PCDH9: variants seen among roughly 807,000 people sequenced by gnomAD.
The protein encoded by PCDH9 is protocadherin-9.
A neutral mutation model predicts 70.6 loss-of-function variants in PCDH9; 24 were observed. That is an observed-to-expected ratio of 0.34 (90% CI 0.25 to 0.48). PCDH9 has a LOEUF of 0.48. Among genes scored for constraint, PCDH9 ranks in the 20% least tolerant of loss-of-function variants. The pLI is 0.99. For missense variants in PCDH9, 1,281 were observed against 1,503.6 expected (o/e 0.85, Z 2.45); for synonymous variants, 562 against 558.5 (o/e 1.01, Z -0.09).
At chr13:66,454,144 T>A (rs1243850714) in intron 4 of PCDH9, among the ~76,000 whole-genome samples, 1 of 152,044 alleles carries the variant, frequency 6.6e-6, no homozygotes, top group Non-Finnish European at 1.5e-5. Context: ...AAATAAGACT[T>A]GTTTTTTTCT....
At chr13:66,736,061 G>A (rs1349314350) in intron 3 of PCDH9, among the ~76,000 whole-genome samples, 2 of 151,938 alleles carry the variant, frequency 1.3e-5, no homozygotes, top group Non-Finnish European at 2.9e-5. Context: ...AGTTAACTGA[G>A]TATATTTAAA....
At chr13:66,817,079 A>G (rs796702951) in intron 3 of PCDH9, among the ~76,000 whole-genome samples, 5 of 152,220 alleles carry the variant, frequency 3.3e-5, no homozygotes, top group African/African-American at 1.2e-4. Context: ...TTTGCATAGC[A>G]TGTACATTGT....
chr13:67,099,555 T>A (rs2086390691), intron 2 of PCDH9, among the ~76,000 whole-genome samples: 1 of 152,140 alleles, frequency 6.6e-6, no homozygotes, highest in African/African-American at 2.4e-5. Context: ...TCCTAAATAT[T>A]CAGAAATGGA....
chr13:66,393,221 T>C (rs1368414290), intron 4 of PCDH9, among the ~76,000 whole-genome samples: 1 of 152,084 alleles, frequency 6.6e-6, no homozygotes, highest in East Asian at 1.9e-4. Flanking sequence ...ACACTGATAA[T>C]AGAAAATTCA....
intron 3 of PCDH9, among the ~76,000 whole-genome samples, chr13:66,772,651 A>G (rs9571667): frequency 0.29 from 44,256 of 151,936 alleles, 6,716 homozygotes; most frequent in East Asian, 0.44. Context: ...ATATTTCTAA[A>G]TGTCACAAAG....
At chr13:67,061,174 A>G (rs1010211041) in intron 2 of PCDH9, among the ~76,000 whole-genome samples, 2 of 152,114 alleles carry the variant, frequency 1.3e-5, no homozygotes, top group Non-Finnish European at 2.9e-5. Flanking sequence ...CAAATAAGTA[A>G]CATTTCCTCC....
intron 2 of PCDH9, among the ~76,000 whole-genome samples, chr13:66,907,477 T>C (rs967581841): frequency 5.3e-5 from 8 of 152,206 alleles, no homozygotes; most frequent in Non-Finnish European, 1.0e-4. Flanking sequence ...TGAAAGTCTG[T>C]ATTGCAATAT....
At chr13:66,385,254 T>C (rs369416530) in intron 4 of PCDH9, among the ~76,000 whole-genome samples, 6 of 152,198 alleles carry the variant, frequency 3.9e-5, no homozygotes, top group Non-Finnish European at 8.8e-5. Flanking sequence ...ACTAGTTAAG[T>C]ACCCTGTTTT....
intron 3 of PCDH9, among the ~76,000 whole-genome samples, chr13:66,877,677 A>C (rs1011666375): frequency 1.3e-5 from 2 of 152,178 alleles, no homozygotes; most frequent in African/African-American, 4.8e-5. Context: ...GCTTAAACCA[A>C]CACCTTAGTC....
chr13:67,189,879 A>C (rs1286784163), intron 2 of PCDH9, among the ~76,000 whole-genome samples: 1 of 152,072 alleles, frequency 6.6e-6, no homozygotes, highest in Non-Finnish European at 1.5e-5. Flanking sequence ...AAGAAAAAAA[A>C]AATGTAATGT....
intron 3 of PCDH9, among the ~76,000 whole-genome samples, chr13:66,829,717 C>CATAAAAAAAAA (rs2080890351): frequency 1.9e-5 from 1 of 53,128 alleles, no homozygotes; most frequent in Non-Finnish European, 3.2e-5. Flanking sequence ...GACTCCGTCT[C>CATAAAAAAAAA]AAAAAAAAAA....
chr13:67,051,968 T>C (rs188970493), intron 2 of PCDH9, among the ~76,000 whole-genome samples: 28 of 152,306 alleles, frequency 1.8e-4, no homozygotes, highest in Admixed American at 5.9e-4. Flanking sequence ...TATGATATTA[T>C]TAAAACTTAC....
intron 2 of PCDH9, among the ~76,000 whole-genome samples, chr13:67,141,784 G>C (rs2087397748): frequency 6.6e-6 from 1 of 151,528 alleles, no homozygotes; most frequent in Admixed American, 6.6e-5. Flanking sequence ...GGGAAACAGA[G>C]TGATGTATCA....
Position 66,738,281 on chromosome 13 carries a change from G to C in PCDH9, c.3139-106870C>G, listed in dbSNP as rs376422982. Among the ~76,000 whole-genome samples, 34 of 151,408 alleles carry C rather than the reference G, an allele frequency of 2.2e-4. No homozygotes were observed. In the East Asian group the frequency reaches 2.6e-3, roughly 11 times the overall value. On this transcript the variant is annotated intron_variant, in intron 3 of 4. Coordinates refer to ENST00000377865, the MANE Select transcript of PCDH9 (RefSeq NM_203487.3). ...TTCCAACAGACCTGCAGCTGAGGGT[G>C]CTGTCTGTTAGAAGGAAAACTAACA... is the stretch of plus-strand genomic sequence containing the variant.
At chr13:66,924,404 A>G (rs2082684462) in intron 2 of PCDH9, among the ~76,000 whole-genome samples, 1 of 151,828 alleles carries the variant, frequency 6.6e-6, no homozygotes, top group Non-Finnish European at 1.5e-5. Flanking sequence ...CATCTGCTTT[A>G]CATAAAAATA....
At chr13:66,861,718 A>G (rs1221259037) in intron 3 of PCDH9, among the ~76,000 whole-genome samples, 1 of 152,148 alleles carries the variant, frequency 6.6e-6, no homozygotes, top group East Asian at 1.9e-4. Flanking sequence ...CATTATTTTT[A>G]ACTCTAAGAA....
intron 3 of PCDH9, among the ~76,000 whole-genome samples, chr13:66,676,706 C>T (rs1415593008): frequency 6.6e-6 from 1 of 152,046 alleles, no homozygotes; most frequent in African/African-American, 2.4e-5. Flanking sequence ...TATCTATTGA[C>T]CAATCTCATA....
chr13:66,985,966 C>T (rs1401931925), intron 2 of PCDH9, among the ~76,000 whole-genome samples: 2 of 151,924 alleles, frequency 1.3e-5, no homozygotes, highest in African/African-American at 2.4e-5. Context: ...TAAATGAATA[C>T]ATTGTCTATT....
chr13:66,817,625 TTTTA>T lies in PCDH9; in HGVS notation c.3138+85875_3138+85878del, dbSNP rs916138169. On this transcript the variant is annotated intron_variant, in intron 3 of 4. Coordinates refer to ENST00000377865, the MANE Select transcript of PCDH9 (RefSeq NM_203487.3). ...TGCACTTAAATTTATTTTCATTTAT[TTTTA>T]TTTATTTATTTACTTTTTGAGACAG... 3.3e-5 allele frequency among the ~76,000 whole-genome samples: 5 copies of T among 152,242 alleles called. No individual in the cohort carries two copies. In the South Asian group the frequency reaches 6.2e-4, roughly 19 times the overall value.
Sources: allele counts gnomAD v4.1 joint callset (sites outside exome capture counted in the v4.1 genomes callset), GRCh38; gene constraint gnomAD v4.1.1; transcripts MANE v1.5; gene names NCBI Gene and HGNC (gene_info 2026-07-23, HGNC 2026-07-21).